Variants in ADAMTS16 observed in about 807,000 individuals in gnomAD.
ADAMTS16 encodes A disintegrin and metalloproteinase with thrombospondin motifs 16.
A neutral mutation model predicts 145.8 loss-of-function variants in ADAMTS16; 94 were observed. The observed-to-expected ratio is 0.64, with a 90% confidence interval of 0.55 to 0.77. The LOEUF is 0.77. Ranked by LOEUF, ADAMTS16 falls within the 30% of genes least tolerant of loss-of-function variation. The pLI is 0.00. For synonymous variants in ADAMTS16, 659 were observed against 604.3 expected, an observed-to-expected ratio of 1.09 and a Z score of -1.33; for missense variants, 1,585 against 1,591.5, an observed-to-expected ratio of 1.00 and a Z score of 0.07.
intron 18 of ADAMTS16, among the ~76,000 whole-genome samples, chr5:5,271,872 T>G (rs1560980416): frequency 1.3e-5 from 2 of 152,182 alleles, no homozygotes; most frequent in Non-Finnish European, 2.9e-5. Flanking sequence ...CTTATTCTTC[T>G]TGCTTATACA....
chr5:5,210,701 G>T (rs746692875), intron 10 of ADAMTS16, among the ~76,000 whole-genome samples: 4 of 152,076 alleles, frequency 2.6e-5, no homozygotes, highest in Non-Finnish European at 5.9e-5. Context: ...GTTAGCTGCT[G>T]GTTTTTATAC....
chr5:5,316,753 C>T (rs4128586), intron 21 of ADAMTS16, among the ~76,000 whole-genome samples: 37,472 of 152,088 alleles, frequency 0.25, 5,239 homozygotes, highest in Non-Finnish European at 0.32. Context: ...CATCAGGGGC[C>T]TGGGAATGTG....
intron 9 of ADAMTS16, among the ~76,000 whole-genome samples, chr5:5,204,901 G>T (rs1736050857): frequency 1.3e-5 from 2 of 152,046 alleles, no homozygotes; most frequent in African/African-American, 4.8e-5. Flanking sequence ...TTTCAAAATG[G>T]TTTCAAATCC....
At position 5,319,186 on chromosome 5, in the gene ADAMTS16, A is replaced by C; in HGVS notation, c.*48A>C. 7.2e-7 allele frequency: 1 copy of C among 1,394,846 alleles called. No individual in the cohort carries two copies. Among genetic ancestry groups the C allele is most frequent in the Non-Finnish European group, 1.0e-6 (1 of 998,980 alleles). 86.4% of individuals were successfully genotyped at this position (1,394,846 alleles called of 1,614,324 possible). ...GAGAAAGTGCCTGCGTGGCACAGAA[A>C]TTTCCCACAAATGAGCTGTGCAATC... On this transcript the variant is annotated 3_prime_UTR_variant, in exon 23 of 23. Transcript: ENST00000274181.
At chr5:5,181,919 G>C (rs756585961) in intron 3 of ADAMTS16, 125 bp from the exon 4 acceptor site, 1 of 1,100,844 alleles carries the variant, frequency 9.1e-7, no homozygotes, top group African/African-American at 1.6e-5. Flanking sequence ...TCCAATGTTC[G>C]CTCTCACTGG....
rs772119086 is a variant in ADAMTS16, at chr5:5,319,134, T to C, written c.3671T>C (p.Leu1224Ser). The change falls in exon 23 of 23, where the codon TTG (leucine) becomes TCG (serine). Residue 1224 changes from leucine to serine, a missense_variant. Around this residue, in one of 3 missense-constraint regions of ADAMTS16, gnomAD observed 834 missense variants for 811.7 expected, o/e 1.03. Transcript: ENST00000274181. Reference protein sequence around the residue: ...QCCKTCSKSNL With the variant: ...QCCKTCSKSNS ...TGCAAGACTTGCTCTAAGTCCAACT[T>C]GTGAGTTGGGACCGCTCTCCGTAGC... is the stretch of plus-strand genomic sequence containing the variant. 1.2e-6 allele frequency: 2 copies of C among 1,607,370 alleles called. No individual in the cohort carries two copies. The highest frequency in any genetic ancestry group is 1.7e-6 in the Non-Finnish European group (2 of 1,176,354).
chr5:5,313,479 C>T (rs374008309), intron 21 of ADAMTS16, among the ~76,000 whole-genome samples: 8 of 152,320 alleles, frequency 5.3e-5, no homozygotes, highest in South Asian at 4.1e-4. Context: ...GTTGTTCCCA[C>T]GCTAATTTGG....
chr5:5,263,204 G>A (rs1280923328), intron 18 of ADAMTS16, among the ~76,000 whole-genome samples: 1 of 152,182 alleles, frequency 6.6e-6, no homozygotes, highest in Non-Finnish European at 1.5e-5. Context: ...TCAGTGCCTT[G>A]CAAACATACA....
intron 3 of ADAMTS16, among the ~76,000 whole-genome samples, chr5:5,153,568 G>A (rs1156421113): frequency 2.0e-5 from 3 of 152,130 alleles, no homozygotes; most frequent in Non-Finnish European, 1.5e-5. Context: ...CTTTTGAAGT[G>A]TATAGTTTAT....
rs1734117928 is a variant in ADAMTS16, at chr5:5,140,374, C to T, written c.-94C>T. ...CGGCGGAGTCGCTGTGGGGAATCCT[C>T]CCGCGCTCTGCCTGGGTCGGGTCCT... On this transcript the variant is annotated 5_prime_UTR_variant, in exon 1 of 23. Transcript: ENST00000274181. 3.9e-6 allele frequency: 5 copies of T among 1,284,006 alleles called. No individual in the cohort carries two copies. Among genetic ancestry groups the T allele is most frequent in the East Asian group, 6.2e-5 (2 of 32,328 alleles). 79.5% of individuals were successfully genotyped at this position (1,284,006 alleles called of 1,614,324 possible).
At chr5:5,189,912 C>T in intron 6 of ADAMTS16, 59 bp from the exon 7 acceptor site, 2 of 1,585,078 alleles carry the variant, frequency 1.3e-6, no homozygotes, top group Middle Eastern at 1.7e-4. Flanking sequence ...GATGACAATG[C>T]ATTATAACAT....
chr5:5,234,948 C>T, intron 12 of ADAMTS16, 66 bp from the exon 13 acceptor site: 2 of 1,368,612 alleles, frequency 1.5e-6, no homozygotes, highest in Non-Finnish European at 1.9e-6. Context: ...CTCCAATAAG[C>T]CTAATTTTAA....
intron 11 of ADAMTS16, among the ~76,000 whole-genome samples, chr5:5,228,045 A>C (rs1353592643): frequency 6.6e-6 from 1 of 152,252 alleles, no homozygotes; most frequent in African/African-American, 2.4e-5. Context: ...ACTAATCAAT[A>C]GCTATTTGCT....
intron 2 of ADAMTS16, among the ~76,000 whole-genome samples, chr5:5,141,593 C>G (rs907291176): frequency 3.3e-5 from 5 of 152,102 alleles, no homozygotes; most frequent in African/African-American, 1.2e-4. Flanking sequence ...AATAAATTGC[C>G]GTATCAAATG....
At chr5:5,215,272 A>T (rs188648077) in intron 10 of ADAMTS16, among the ~76,000 whole-genome samples, 1 of 152,216 alleles carries the variant, frequency 6.6e-6, no homozygotes, top group Non-Finnish European at 1.5e-5. Context: ...TTAGTGATAA[A>T]AGCATCTCAC....
rs1740364910 is a variant in ADAMTS16, at chr5:5,310,195, C to G, written c.3411+3467C>G. ...GGAACCATTTGTCCCTGACGATGAC[C>G]AGCTCTCCCCAAGCCTGTGTCTCTC... is the stretch of plus-strand genomic sequence containing the variant. On this transcript the variant is annotated intron_variant, in intron 21 of 22. Transcript: ENST00000274181. The surrounding 1 kb of genome is among the most constrained non-coding windows in gnomAD (Gnocchi z 4.3). 6.6e-6 allele frequency among the ~76,000 whole-genome samples: 1 copy of G among 152,058 alleles called. No individual in the cohort carries two copies. Among genetic ancestry groups the G allele is most frequent in the African/African-American group, 2.4e-5 (1 of 41,384 alleles).
rs183651949 is a variant in ADAMTS16, at chr5:5,184,221, C to T, written c.764-1831C>T. On this transcript the variant is annotated intron_variant, in intron 4 of 22. Transcript: ENST00000274181. ...CACCTGTGCATGGATGCACTGCACC[C>T]CCAGGGCACTGTCACCGATGCATGG... 1.8e-3 allele frequency among the ~76,000 whole-genome samples: 280 copies of T among 152,006 alleles called. 1 individual carries two copies. Among genetic ancestry groups the T allele is most frequent in the African/African-American group, 6.4e-3 (267 of 41,468 alleles).
chr5:5,315,977 C>T (rs1207671902), intron 21 of ADAMTS16, among the ~76,000 whole-genome samples: 1 of 152,178 alleles, frequency 6.6e-6, no homozygotes, highest in African/African-American at 2.4e-5. Context: ...CAAACAGTTT[C>T]AGCTTGTGAC....
chr5:5,207,185 G>T (rs1437450701), intron 9 of ADAMTS16, among the ~76,000 whole-genome samples: 1 of 152,172 alleles, frequency 6.6e-6, no homozygotes, highest in Non-Finnish European at 1.5e-5. Context: ...CTATGGACAT[G>T]AAATATCTCT....
Sources: gnomAD v4.1 joint callset for allele counts (sites outside exome capture counted in the v4.1 genomes callset) on GRCh38, gnomAD v4.1.1 for gene constraint, gnomAD v4.1.1 regional missense constraint, Gnocchi (gnomAD v3.1) non-coding constraint, MANE v1.5 for transcripts, NCBI Gene and HGNC (gene_info 2026-07-23, HGNC 2026-07-21) for gene names.